Variants in SPTBN4 observed in about 807,000 individuals in gnomAD.
SPTBN4 encodes spectrin beta, non-erythrocytic 4.
Under a neutral mutation model 277.8 loss-of-function variants are expected in SPTBN4, and 96 were observed. The observed-to-expected ratio is 0.35, with a 90% CI of 0.29 to 0.41. The LOEUF (loss-of-function observed/expected upper bound fraction) is 0.41. SPTBN4 is among the 10% of genes least tolerant of loss of function. The pLI, the probability that SPTBN4 is intolerant of heterozygous loss-of-function variation, is 1.00. For missense variants in SPTBN4, 3,006 were observed against 3,595.7 expected (o/e 0.84, Z 4.19); for synonymous variants, 1,481 against 1,580.3 (o/e 0.94, Z 1.49).
chr19:40,485,978 T>TAAAA (rs35587768), intron 2 of SPTBN4, among the ~76,000 whole-genome samples: 37 of 129,354 alleles, frequency 2.9e-4, no homozygotes, highest in African/African-American at 8.0e-4. Context: ...AGGATGGCCA[T>TAAAA]AAAAAAAAAA....
At chr19:40,487,216 A>G (rs557571674) in intron 2 of SPTBN4, among the ~76,000 whole-genome samples, 1 of 151,470 alleles carries the variant, frequency 6.6e-6, no homozygotes, top group South Asian at 2.1e-4. Flanking sequence ...TTCTTTTTGT[A>G]TTTTTAGTAG....
Position 40,519,671 on chromosome 19 carries a change from G to A in SPTBN4, c.3174G>A (p.Arg1058=), listed in dbSNP as rs1055243055. 2.9e-6 allele frequency: 4 copies of A among 1,392,838 alleles called. No homozygotes were observed. The Admixed American group carries it at 1.5e-4, about 51-fold the overall frequency. The allele number at this position is 1,392,838 out of a possible 1,614,324, so 86.3% of individuals were successfully genotyped here. The change falls in exon 16 of 36, where the codon CGG becomes CGA. Residue 1058 remains arginine (R), a synonymous_variant. Coordinates refer to ENST00000598249, the MANE Select transcript of SPTBN4 (RefSeq NM_020971.3). This position sits in a 1 kb window ranked among gnomAD's most constrained non-coding sequence, Gnocchi z 5.7. ...AGCGCTTCCCGGCGCAGGCGGCGCG[G>A]CTGCACCAGGGCGCGGAGGAGCTGG... ...LAERFPAQAA[R]LHQGAEELGA...
intron 1 of SPTBN4, among the ~76,000 whole-genome samples, chr19:40,469,090 C>T (rs1345343322): frequency 6.7e-6 from 1 of 148,872 alleles, no homozygotes; most frequent in Non-Finnish European, 1.5e-5. Context: ...TAGAGCAATA[C>T]CTTGTCTCAG....
chr19:40,556,999 C>T (rs745601593), intron 25 of SPTBN4, 24 bp from the exon 26 acceptor site: 10 of 1,490,104 alleles, frequency 6.7e-6, no homozygotes, highest in South Asian at 6.5e-5. Context: ...TTGCTGTACC[C>T]CCCCCCCCAC....
At chr19:40,531,464 GTTTTTTTTTTTTTTTTTT>G (rs71173645) in intron 18 of SPTBN4, among the ~76,000 whole-genome samples, 1,057 of 40,930 alleles carry the variant, frequency 0.026, 35 homozygotes, top group African/African-American at 0.078. Context: ...TCCAGTGTTT[GTTTTTTTTTTTTTTTTTT>G]TTTTTTTTTT....
At position 40,495,941 on chromosome 19, in the gene SPTBN4, C is replaced by T. The variant is rs116446695; in HGVS notation, c.668+964C>T. Among the ~76,000 whole-genome samples the T allele has an allele frequency of 3.7e-3, 567 of 152,260 alleles. 3 individuals are homozygous for T. The highest frequency in any genetic ancestry group is 0.013 in the African/African-American group (549 of 41,544). On this transcript the variant is annotated intron_variant, in intron 6 of 35. Transcript: ENST00000598249. ...CACTCACAATCCCTGCTTCTCACAC[C>T]TACACACACTCGTACACACATGGGG...
intron 2 of SPTBN4, among the ~76,000 whole-genome samples, chr19:40,479,320 T>C (rs2079982870): frequency 6.6e-6 from 1 of 152,158 alleles, no homozygotes; most frequent in South Asian, 2.1e-4. Context: ...GAAAATTGTT[T>C]GGACCCCACG....
In SPTBN4 at chr19:40,575,699, C is replaced by T. The variant is rs2081195917; in HGVS notation, c.*130C>T. 8.2e-7 allele frequency: 1 copy of T among 1,214,656 alleles called. No homozygotes were observed. The highest frequency in any genetic ancestry group is 1.1e-6 in the Non-Finnish European group (1 of 901,022). 75.2% of individuals were successfully genotyped at this position (1,214,656 alleles called of 1,614,324 possible). On this transcript the variant is annotated 3_prime_UTR_variant, in exon 36 of 36. Transcript: ENST00000598249. ...CTGAGGACGCGTGACATGGTGGGCA[C>T]CGGAAAGGAGGGGACTTCTCCTGCA...
At chr19:40,555,590 C>A (rs147952794) in intron 24 of SPTBN4, among the ~76,000 whole-genome samples, 1 of 151,738 alleles carries the variant, frequency 6.6e-6, no homozygotes, top group East Asian at 1.9e-4. Flanking sequence ...GCTTTCCCTG[C>A]ATGCTGAAAT....
Position 40,486,371 on chromosome 19 carries a change from C to CTT in SPTBN4, c.170-1311_170-1310dup, listed in dbSNP as rs540832411. Reference sequence around the variant, plus strand: ...TCCTCACACATTGCTGGTGCAGCAACTTTTTTTTTTTTTTTTGAGACAGGG... The same window carrying CTT: ...TCCTCACACATTGCTGGTGCAGCAACTTTTTTTTTTTTTTTTTTGAGACAGGG... On this transcript the variant is annotated intron_variant, in intron 2 of 35. Coordinates refer to ENST00000598249, the MANE Select transcript of SPTBN4 (RefSeq NM_020971.3). Among the ~76,000 whole-genome samples, 652 of 141,462 alleles carry CTT rather than the reference C, an allele frequency of 4.6e-3. 5 individuals are homozygous for CTT. The highest frequency in any genetic ancestry group is 0.016 in the African/African-American group (613 of 38,744). 92.8% of individuals were successfully genotyped at this position (141,462 alleles called of 152,430 possible).
chr19:40,504,140 C>CGGGGGG lies in SPTBN4; in HGVS notation c.1665+10_1665+15dup. 8.7e-7 allele frequency: 1 copy of CGGGGGG among 1,146,780 alleles called. No individual in the cohort carries two copies. The highest frequency in any genetic ancestry group is 2.4e-5 in the Admixed American group (1 of 41,912). 71.0% of individuals were successfully genotyped at this position (1,146,780 alleles called of 1,614,324 possible). Reference sequence around the variant, plus strand: ...TGGATGGAGGAGATGCAGGTGCCGGCGGGGGGGCGGGGATGCGGGTGGAGT... The same window carrying CGGGGGG: ...TGGATGGAGGAGATGCAGGTGCCGGCGGGGGGGGGGGGGCGGGGATGCGGGTGGAGT... On this transcript the variant is annotated intron_variant, in intron 12 of 35. Transcript: ENST00000598249.
intron 2 of SPTBN4, among the ~76,000 whole-genome samples, chr19:40,475,685 CT>C (rs1473161205): frequency 6.9e-6 from 1 of 144,488 alleles, no homozygotes; most frequent in Non-Finnish European, 1.5e-5. Flanking sequence ...TGGTCTTGAA[CT>C]CCTGGGCTCG....
intron 5 of SPTBN4, among the ~76,000 whole-genome samples, chr19:40,493,621 G>A (rs984116960): frequency 2.0e-5 from 3 of 152,216 alleles, no homozygotes; most frequent in Admixed American, 2.0e-4. Context: ...GTTCCCAGGA[G>A]GCTGAGATGG....
In SPTBN4 at chr19:40,494,870, CCT is replaced by C. The variant is rs887727279; in HGVS notation, c.588-24_588-23del. ...TCCCTCCTAACTCTCCCCATCTCTG[CCT>C]CTGTTTCTCCCTTCACCCTTCCAGT... On this transcript the variant is annotated intron_variant, in intron 5 of 35. Coordinates refer to ENST00000598249, the MANE Select transcript of SPTBN4 (RefSeq NM_020971.3). 9 of 1,609,114 alleles carry C rather than the reference CCT, an allele frequency of 5.6e-6. No homozygotes were observed. The African/African-American group carries it at 1.2e-4, about 22-fold the overall frequency.
At chr19:40,488,788 C>A (rs1201743126) in intron 3 of SPTBN4, among the ~76,000 whole-genome samples, 1 of 151,984 alleles carries the variant, frequency 6.6e-6, no homozygotes, top group Non-Finnish European at 1.5e-5. Flanking sequence ...GCAGCCTGGG[C>A]GACAAAGCGA....
chr19:40,478,827 G>A (rs1006512535), intron 2 of SPTBN4, among the ~76,000 whole-genome samples: 3 of 152,192 alleles, frequency 2.0e-5, no homozygotes, highest in Non-Finnish European at 2.9e-5. Flanking sequence ...GATTACAGGC[G>A]TGAGCCACGC....
chr19:40,562,390 T>C (rs1160183056), intron 27 of SPTBN4, among the ~76,000 whole-genome samples: 1 of 151,476 alleles, frequency 6.6e-6, no homozygotes, highest in African/African-American at 2.4e-5. Flanking sequence ...ATTAGCTGGG[T>C]GTTGTGGCAT....
At chr19:40,488,970 T>A (rs1282661261) in intron 3 of SPTBN4, among the ~76,000 whole-genome samples, 1 of 151,912 alleles carries the variant, frequency 6.6e-6, no homozygotes, top group Non-Finnish European at 1.5e-5. Context: ...GCAGAGACCC[T>A]GTCTCAAAAA....
intron 13 of SPTBN4, among the ~76,000 whole-genome samples, chr19:40,512,305 T>C (rs1015601779): frequency 1.3e-5 from 2 of 152,196 alleles, no homozygotes; most frequent in Non-Finnish European, 2.9e-5. Context: ...GTGTTTGGGA[T>C]AGGGTGTGAC....
Sources: gnomAD v4.1 joint callset for allele counts (sites outside exome capture counted in the v4.1 genomes callset) on GRCh38, gnomAD v4.1.1 for gene constraint, Gnocchi (gnomAD v3.1) non-coding constraint, MANE v1.5 for transcripts, NCBI Gene and HGNC (gene_info 2026-07-23, HGNC 2026-07-21) for gene names.